BTBD7: variants seen among roughly 807,000 people sequenced by gnomAD.
BTBD7 encodes BTB/POZ domain-containing protein 7.
Under a neutral mutation model 99.9 loss-of-function variants are expected in BTBD7, and 38 were observed. The observed-to-expected ratio is 0.38, with a 90% CI of 0.29 to 0.50. The LOEUF (loss-of-function observed/expected upper bound fraction) is 0.50, where lower values mean the gene tolerates loss of function less well. Ranked by LOEUF, BTBD7 falls within the 20% of genes least tolerant of loss-of-function variation. The probability of loss-of-function intolerance (pLI) is 0.93; values close to 1 mark genes in which losing one functional copy is unlikely to be tolerated. For synonymous variants in BTBD7, 520 were observed against 511.4 expected, an observed-to-expected ratio of 1.02 and a Z score of -0.23; for missense variants, 1,170 against 1,394.6, an observed-to-expected ratio of 0.84 and a Z score of 2.57.
At chr14:93,313,193 T>C (rs540671459) in intron 1 of BTBD7, among the ~76,000 whole-genome samples, 4 of 152,222 alleles carry the variant, frequency 2.6e-5, no homozygotes, top group Non-Finnish European at 5.9e-5. Flanking sequence ...TAAAATAGTT[T>C]TCAGAACTTT....
intron 1 of BTBD7, among the ~76,000 whole-genome samples, chr14:93,324,831 C>T (rs2053309773): frequency 6.6e-6 from 1 of 152,176 alleles, no homozygotes; most frequent in South Asian, 2.1e-4. Context: ...ATCAGCTTCT[C>T]CAAGTCTGCT....
chr14:93,298,816 A>G (rs1021524208), intron 1 of BTBD7, among the ~76,000 whole-genome samples: 3 of 152,206 alleles, frequency 2.0e-5, no homozygotes, highest in Non-Finnish European at 4.4e-5. Flanking sequence ...TATGACATCA[A>G]TGGCCCCACT....
Position 93,294,014 on chromosome 14 carries a change from C to A in BTBD7, c.1006G>T (p.Val336Leu). ...CAGTGCAAAACAGAGAGGTCCACCA[C>A]GTCGGTATACATACAGTGTAATATC... ...TVILHCMYTDVVDLSVLHCSP... is the reference protein window; with the variant it reads ...TVILHCMYTDLVDLSVLHCSP... The change falls in exon 3 of 11, where the codon GTG becomes TTG. Residue 336 changes from valine (V) to leucine (L), a missense_variant. Around this residue, in one of 4 missense-constraint regions of BTBD7, gnomAD observed 359 missense variants for 497.9 expected, o/e 0.72. Transcript: ENST00000334746. 1.2e-6 allele frequency: 2 copies of A among 1,613,924 alleles called. No individual in the cohort carries two copies. The highest frequency in any genetic ancestry group is 8.5e-7 in the Non-Finnish European group (1 of 1,179,876).
At chr14:93,284,247 C>A (rs1053390681) in intron 3 of BTBD7, among the ~76,000 whole-genome samples, 3 of 152,094 alleles carry the variant, frequency 2.0e-5, no homozygotes, top group Non-Finnish European at 4.4e-5. Flanking sequence ...AATCAATGAA[C>A]TGACAAGTAA....
rs2052198697 is a variant in BTBD7 at position 93,239,604 on chromosome 14, A to G, written c.*2669T>C. On this transcript the variant is annotated 3_prime_UTR_variant, in exon 11 of 11. Coordinates refer to ENST00000334746, the MANE Select transcript of BTBD7 (RefSeq NM_001002860.4). ...ACTTCACAAGATACATTAAAAGTCC[A>G]CTAACACCTAACCTAACGCACACAA... The G allele has an allele frequency of 6.6e-6, 1 of 152,544 alleles. No homozygotes were observed. The highest frequency in any genetic ancestry group is 1.5e-5 in the Non-Finnish European group (1 of 68,022). The allele number at this position is 152,544 out of a possible 1,614,324, so 9.4% of individuals were successfully genotyped here.
At chr14:93,284,568 G>A (rs1294353513) in intron 3 of BTBD7, among the ~76,000 whole-genome samples, 5 of 151,780 alleles carry the variant, frequency 3.3e-5, no homozygotes, top group African/African-American at 1.2e-4. Flanking sequence ...AGGTTCTCAG[G>A]TTATTCAAAG....
chr14:93,304,347 ATTAT>A (rs1219187626), intron 1 of BTBD7, among the ~76,000 whole-genome samples: 3 of 152,172 alleles, frequency 2.0e-5, no homozygotes, highest in Non-Finnish European at 2.9e-5. Flanking sequence ...ATTTGAGTTT[ATTAT>A]TTATTTATTT....
intron 3 of BTBD7, among the ~76,000 whole-genome samples, chr14:93,289,031 C>G (rs2052814841): frequency 6.6e-6 from 1 of 151,792 alleles, no homozygotes; most frequent in Admixed American, 6.6e-5. Flanking sequence ...AATCTCAGGT[C>G]TCCTGTGTTT....
chr14:93,253,034 G>GGAC, intron 7 of BTBD7, among the ~76,000 whole-genome samples: 1 of 152,188 alleles, frequency 6.6e-6, no homozygotes, highest in South Asian at 2.1e-4. Flanking sequence ...TTACCATGTT[G>GGAC]CCCAGGATGG....
At chr14:93,304,513 G>A (rs2053047428) in intron 1 of BTBD7, among the ~76,000 whole-genome samples, 1 of 152,098 alleles carries the variant, frequency 6.6e-6, no homozygotes, top group South Asian at 2.1e-4. Flanking sequence ...CCCTACACCT[G>A]GCTAATTTTT....
At position 93,251,628 on chromosome 14, in the gene BTBD7, C is replaced by T. The variant is rs2052369046; in HGVS notation, c.1777G>A (p.Glu593Lys). 2 of 1,612,684 alleles carry T rather than the reference C, an allele frequency of 1.2e-6. No homozygotes were observed. The highest frequency in any genetic ancestry group is 1.7e-6 in the Non-Finnish European group (2 of 1,179,020). The change falls in exon 8 of 11, where the codon GAA (glutamate) becomes AAA (lysine). Residue 593 changes from glutamate (E) to lysine (K), a missense_variant. Glu to Lys is a moderately conservative substitution (Grantham distance 56). Transcript: ENST00000334746. ...CGCAAGCGCACAAGATCCGTTTGTT[C>T]CACCATCATCTCATCTAGCACTGAC... ...AKSVLDEMMV[E>K]QTDLVRLRMV... is the part of the protein sequence containing the mutation.
intron 3 of BTBD7, among the ~76,000 whole-genome samples, chr14:93,268,300 C>T (rs2052563546): frequency 6.6e-6 from 1 of 152,178 alleles, no homozygotes; most frequent in African/African-American, 2.4e-5. Context: ...AAAAGTTTCT[C>T]TGGTACCCTG....
At chr14:93,249,151 A>G (rs1250378714) in intron 8 of BTBD7, among the ~76,000 whole-genome samples, 7 of 151,516 alleles carry the variant, frequency 4.6e-5, no homozygotes, top group Admixed American at 4.6e-4. Context: ...GGAGAGAAAT[A>G]TGCAAAGGAC....
intron 3 of BTBD7, among the ~76,000 whole-genome samples, chr14:93,286,428 G>A (rs1363758861): frequency 6.6e-6 from 1 of 152,192 alleles, no homozygotes; most frequent in South Asian, 2.1e-4. Flanking sequence ...GAGCTACTCA[G>A]ATCCCTGACC....
chr14:93,250,172 AG>A (rs896905885), intron 8 of BTBD7, among the ~76,000 whole-genome samples: 7 of 152,198 alleles, frequency 4.6e-5, no homozygotes, highest in African/African-American at 1.2e-4. Flanking sequence ...GTGGTGTGCA[AG>A]GAAGTGAGAA....
At chr14:93,276,007 G>A (rs2052652731) in intron 3 of BTBD7, among the ~76,000 whole-genome samples, 1 of 152,076 alleles carries the variant, frequency 6.6e-6, no homozygotes, top group Admixed American at 6.5e-5. Flanking sequence ...TTGAGCCCAG[G>A]AGTCCAAGAC....
chr14:93,305,194 T>C (rs2053055997), intron 1 of BTBD7, among the ~76,000 whole-genome samples: 1 of 152,210 alleles, frequency 6.6e-6, no homozygotes, highest in Admixed American at 6.5e-5. Flanking sequence ...CTTTAAATTT[T>C]CAGTGAAAAA....
intron 1 of BTBD7, among the ~76,000 whole-genome samples, chr14:93,311,324 A>C (rs2053135686): frequency 6.6e-6 from 1 of 152,090 alleles, no homozygotes; most frequent in African/African-American, 2.4e-5. Flanking sequence ...ATTACAACTT[A>C]TTCCAGGCAT....
intron 3 of BTBD7, among the ~76,000 whole-genome samples, 184 bp from the exon 4 acceptor site, chr14:93,264,177 A>G (rs572365759): frequency 4.6e-5 from 7 of 152,338 alleles, no homozygotes; most frequent in African/African-American, 1.7e-4. Flanking sequence ...CATCTATAGA[A>G]AATCTGCTGC....
Sources: allele counts gnomAD v4.1 joint callset (sites outside exome capture counted in the v4.1 genomes callset), GRCh38; gene constraint gnomAD v4.1.1; regional missense constraint gnomAD v4.1.1; transcripts MANE v1.5; gene names NCBI Gene and HGNC (gene_info 2026-07-23, HGNC 2026-07-21).